The following SYN3 variants were observed in gnomAD, a reference collection of about 807,000 sequenced individuals.
SYN3 encodes the protein synapsin III.
SYN3 carries 35 observed loss-of-function variants against 65.8 expected under a neutral mutation model. The observed-to-expected ratio is 0.53, with a 90% CI of 0.41 to 0.70. The LOEUF (loss-of-function observed/expected upper bound fraction) is 0.70. SYN3 is among the 30% of genes least tolerant of loss of function. SYN3 has a pLI of 0.00. For synonymous variants in SYN3, 270 were observed against 292.9 expected (o/e 0.92, Z 0.80); for missense variants, 680 against 749.0 (o/e 0.91, Z 1.08).
intron 6 of SYN3, among the ~76,000 whole-genome samples, chr22:32,733,305 C>T (rs2061295290): frequency 6.6e-6 from 1 of 152,172 alleles, no homozygotes. Flanking sequence ...ACAGCCATAT[C>T]ACACAATTAT....
At chr22:32,559,451 T>C (rs983839347) in intron 7 of SYN3, among the ~76,000 whole-genome samples, 2 of 152,090 alleles carry the variant, frequency 1.3e-5, no homozygotes, top group African/African-American at 4.8e-5. Flanking sequence ...GACTTTCAGG[T>C]GATGGTCAGG....
intron 7 of SYN3, among the ~76,000 whole-genome samples, chr22:32,565,432 T>C (rs935655189): frequency 5.3e-5 from 8 of 151,894 alleles, no homozygotes; most frequent in Admixed American, 1.3e-4. Flanking sequence ...TGTATGTACA[T>C]ATATATACAC....
intron 6 of SYN3, 122 bp from the exon 7 acceptor site, chr22:32,596,858 G>C (rs2059207693): frequency 1.0e-6 from 1 of 992,546 alleles, no homozygotes; most frequent in Non-Finnish European, 1.5e-6. Context: ...CCACAAGAAT[G>C]CTTCGACAGA....
At chr22:32,870,253 T>A (rs994481910) in intron 4 of SYN3, among the ~76,000 whole-genome samples, 1 of 152,226 alleles carries the variant, frequency 6.6e-6, no homozygotes, top group African/African-American at 2.4e-5. Flanking sequence ...CCTTTGTATA[T>A]ACATTTTTGA....
At chr22:33,028,872 C>G (rs1044871589) in intron 1 of SYN3, among the ~76,000 whole-genome samples, 4 of 152,070 alleles carry the variant, frequency 2.6e-5, no homozygotes, top group Non-Finnish European at 4.4e-5. Context: ...AACCCCGTCT[C>G]TACTAAAAAT....
intron 6 of SYN3, among the ~76,000 whole-genome samples, chr22:32,643,547 G>A (rs2059933590): frequency 1.4e-5 from 1 of 73,128 alleles, no homozygotes; most frequent in South Asian, 6.4e-4. Flanking sequence ...AATTAGAAAT[G>A]GTGGGGGGGC....
chr22:32,562,563 C>T (rs757297266), intron 7 of SYN3, among the ~76,000 whole-genome samples: 2 of 152,180 alleles, frequency 1.3e-5, no homozygotes, highest in Non-Finnish European at 2.9e-5. Flanking sequence ...TGGTCTTTCA[C>T]GGGGAGTGCC....
At chr22:32,953,852 T>C (rs1001932852) in intron 3 of SYN3, among the ~76,000 whole-genome samples, 32 of 152,148 alleles carry the variant, frequency 2.1e-4, no homozygotes, top group Non-Finnish European at 4.4e-4. Context: ...TTCATCAACA[T>C]CATCACACTT....
At chr22:32,581,904 ATTC>A (rs1391018327) in intron 7 of SYN3, among the ~76,000 whole-genome samples, 1 of 148,028 alleles carries the variant, frequency 6.8e-6, no homozygotes, top group African/African-American at 2.5e-5. Flanking sequence ...AATTGAAGCA[ATTC>A]TTCTGCCTTG....
At chr22:32,807,387 TA>T (rs2046786824) in intron 6 of SYN3, among the ~76,000 whole-genome samples, 1 of 98,848 alleles carries the variant, frequency 1.0e-5, no homozygotes, top group Non-Finnish European at 2.0e-5. Context: ...TAATATATAT[TA>T]TATATAATAT....
intron 6 of SYN3, among the ~76,000 whole-genome samples, chr22:32,615,079 C>T (rs538624877): frequency 7.2e-5 from 11 of 152,200 alleles, no homozygotes; most frequent in South Asian, 6.2e-4. Context: ...TGCTGATGTG[C>T]GTTTAACTCC....
At chr22:33,012,000 G>A (rs1032669063) in intron 1 of SYN3, among the ~76,000 whole-genome samples, 2 of 152,054 alleles carry the variant, frequency 1.3e-5, no homozygotes, top group Non-Finnish European at 2.9e-5. Flanking sequence ...CCAACTTGCA[G>A]CCTTTTCAAT....
intron 6 of SYN3, among the ~76,000 whole-genome samples, chr22:32,758,816 C>T (rs2145702551): frequency 6.6e-6 from 1 of 150,424 alleles, no homozygotes; most frequent in South Asian, 2.1e-4. Context: ...AATGACTTTT[C>T]ACCTATATGG....
chr22:32,620,777 T>C (rs1031971518), intron 6 of SYN3, among the ~76,000 whole-genome samples: 2 of 151,970 alleles, frequency 1.3e-5, no homozygotes, highest in African/African-American at 2.4e-5. Flanking sequence ...TGGAGTGCAA[T>C]GGCACTATCT....
At chr22:32,627,862 T>A (rs2059691431) in intron 6 of SYN3, among the ~76,000 whole-genome samples, 1 of 152,122 alleles carries the variant, frequency 6.6e-6, no homozygotes, top group Admixed American at 6.5e-5. Flanking sequence ...AGAGTCTCAC[T>A]CTGTCGCCCA....
intron 7 of SYN3, among the ~76,000 whole-genome samples, chr22:32,592,837 A>G (rs1028489143): frequency 3.3e-5 from 5 of 152,220 alleles, no homozygotes; most frequent in Non-Finnish European, 7.3e-5. Flanking sequence ...TTCCTTGAGG[A>G]CAGGGACTGG....
At chr22:32,829,283 A>T (rs1027187743) in intron 6 of SYN3, among the ~76,000 whole-genome samples, 15 of 152,166 alleles carry the variant, frequency 9.9e-5, no homozygotes, top group African/African-American at 3.6e-4. Flanking sequence ...TGGCTCAAAG[A>T]ATTGCTCCCC....
chr22:32,769,391 C>G (rs2045708482), intron 6 of SYN3, among the ~76,000 whole-genome samples: 1 of 152,174 alleles, frequency 6.6e-6, no homozygotes, highest in South Asian at 2.1e-4. Context: ...GTTGATCATT[C>G]CACCTCTTTG....
At chr22:32,558,686 T>A (rs2058539514) in intron 7 of SYN3, among the ~76,000 whole-genome samples, 2 of 152,250 alleles carry the variant, frequency 1.3e-5, no homozygotes, top group Non-Finnish European at 2.9e-5. Flanking sequence ...CCTAGTCTCT[T>A]CCTGGAAGGA....
Sources: gnomAD v4.1 joint callset for allele counts (sites outside exome capture counted in the v4.1 genomes callset) on GRCh38, gnomAD v4.1.1 for gene constraint, MANE v1.5 for transcripts, NCBI Gene and HGNC (gene_info 2026-07-23, HGNC 2026-07-21) for gene names.